ANKRD11: variants seen among roughly 807,000 people sequenced by gnomAD.
ANKRD11 encodes ankyrin repeat domain-containing protein 11.
ANKRD11 carries 17 observed loss-of-function variants against 195.7 expected under a neutral mutation model. The observed-to-expected ratio is 0.09, with a 90% CI of 0.06 to 0.13. ANKRD11 has a LOEUF of 0.13. Among genes scored for constraint, ANKRD11 ranks in the 10% least tolerant of loss-of-function variants. The probability of loss-of-function intolerance (pLI) is 1.00; values close to 1 mark genes in which losing one functional copy is unlikely to be tolerated. For missense variants in ANKRD11, 3,735 were observed against 3,566.1 expected (o/e 1.05, Z -1.21); for synonymous variants, 1,953 against 1,528.1 (o/e 1.28, Z -6.49).
At chr16:89,305,423 G>T (rs1351609653) in intron 3 of ANKRD11, 79 bp from the exon 4 acceptor site, 7 of 1,589,554 alleles carry the variant, frequency 4.4e-6, no homozygotes, top group African/African-American at 1.3e-5. Flanking sequence ...TCATATGCCA[G>T]GAGAAGCGCA....
intron 4 of ANKRD11, among the ~76,000 whole-genome samples, chr16:89,293,276 C>T (rs541460685): frequency 4.5e-4 from 69 of 152,306 alleles, no homozygotes; most frequent in Middle Eastern, 3.4e-3. Flanking sequence ...GCACACAGCA[C>T]AGGAGACTCC....
At chr16:89,422,577 G>A (rs1240102564) in intron 1 of ANKRD11, among the ~76,000 whole-genome samples, 3 of 152,026 alleles carry the variant, frequency 2.0e-5, no homozygotes, top group Non-Finnish European at 2.9e-5. Context: ...TGACCCAATC[G>A]CACCCCACCT....
chr16:89,340,886 A>G (rs2038625015), intron 2 of ANKRD11, among the ~76,000 whole-genome samples: 1 of 152,162 alleles, frequency 6.6e-6, no homozygotes, highest in Admixed American at 6.5e-5. Flanking sequence ...TCCAGACCTG[A>G]AAAACGTTTA....
chr16:89,357,314 A>G (rs1454315635), intron 2 of ANKRD11, among the ~76,000 whole-genome samples: 2 of 152,202 alleles, frequency 1.3e-5, no homozygotes, highest in Non-Finnish European at 2.9e-5. Flanking sequence ...TGTGCTCACC[A>G]CGTGTCCCGG....
At chr16:89,372,809 C>G (rs1042768176) in intron 2 of ANKRD11, 3 of 152,126 alleles carry the variant, frequency 2.0e-5, no homozygotes, top group Admixed American at 1.3e-4. Context: ...AGTCAGAAAG[C>G]CACCCTGTGG....
At chr16:89,330,225 G>C (rs992673641) in intron 2 of ANKRD11, among the ~76,000 whole-genome samples, 1 of 152,112 alleles carries the variant, frequency 6.6e-6, no homozygotes, top group African/African-American at 2.4e-5. Context: ...TGTCCGGTCA[G>C]GGGCAGGACA....
chr16:89,399,319 C>T (rs950774494), intron 2 of ANKRD11, among the ~76,000 whole-genome samples: 3 of 152,266 alleles, frequency 2.0e-5, no homozygotes, highest in Non-Finnish European at 4.4e-5. Context: ...AAACACCCGG[C>T]GTCCATCCAG....
chr16:89,353,845 C>G (rs1489993262), intron 2 of ANKRD11, among the ~76,000 whole-genome samples: 3 of 152,206 alleles, frequency 2.0e-5, no homozygotes, highest in Admixed American at 1.3e-4. Context: ...ACACAACACA[C>G]ATCAGCCCTG....
intron 2 of ANKRD11, among the ~76,000 whole-genome samples, chr16:89,334,973 C>A (rs890718864): frequency 2.0e-5 from 3 of 152,104 alleles, no homozygotes; most frequent in Non-Finnish European, 4.4e-5. Flanking sequence ...AGGGGAGGTC[C>A]AGGAGGAGAT....
intron 5 of ANKRD11, 55 bp downstream of exon 5, chr16:89,290,958 G>A: frequency 2.5e-6 from 4 of 1,610,270 alleles, no homozygotes; most frequent in Non-Finnish European, 3.4e-6. Context: ...CCATGAGGCT[G>A]CGACCAGGCA....
chr16:89,470,467 A>T (rs2057038126), intron 1 of ANKRD11, among the ~76,000 whole-genome samples: 2 of 151,800 alleles, frequency 1.3e-5, no homozygotes, highest in South Asian at 4.1e-4. Flanking sequence ...TGTTTTGTGT[A>T]CAGACTAAAC....
chr16:89,410,398 T>C (rs78200685), intron 2 of ANKRD11, among the ~76,000 whole-genome samples: 3,964 of 152,220 alleles, frequency 0.026, 174 homozygotes, highest in African/African-American at 0.091. Flanking sequence ...GAAATGGAGA[T>C]AATAAACAGA....
chr16:89,488,106 A>T (rs1297430069), intron 1 of ANKRD11, among the ~76,000 whole-genome samples: 1 of 152,184 alleles, frequency 6.6e-6, no homozygotes, highest in African/African-American at 2.4e-5. Context: ...ATTCTGGTAA[A>T]TTGTGTTATG....
At chr16:89,420,821 G>T (rs1209305889) in intron 1 of ANKRD11, among the ~76,000 whole-genome samples, 2 of 152,172 alleles carry the variant, frequency 1.3e-5, no homozygotes, top group African/African-American at 4.8e-5. Context: ...GGCCCAAGGG[G>T]TCCTCCCACC....
At chr16:89,295,703 C>T (rs886157686) in intron 4 of ANKRD11, among the ~76,000 whole-genome samples, 2 of 151,924 alleles carry the variant, frequency 1.3e-5, no homozygotes, top group Non-Finnish European at 2.9e-5. Context: ...AGGCAAACGG[C>T]GGTGGCACCT....
chr16:89,346,766 G>A (rs1429264403), intron 2 of ANKRD11, among the ~76,000 whole-genome samples: 2 of 152,310 alleles, frequency 1.3e-5, no homozygotes, highest in East Asian at 1.9e-4. Flanking sequence ...TATATTTATC[G>A]CTAGAAGACA....
At chr16:89,364,635 C>A (rs2039871008) in intron 2 of ANKRD11, among the ~76,000 whole-genome samples, 1 of 152,192 alleles carries the variant, frequency 6.6e-6, no homozygotes. Flanking sequence ...ATAAAATACA[C>A]CAATGCTAAC....
In ANKRD11 at chr16:89,273,430, G is replaced by A. The variant is rs146814210; in HGVS notation, c.7713+1384C>T. On this transcript the variant is annotated intron_variant, in intron 11 of 12. Coordinates refer to ENST00000301030, the MANE Select transcript of ANKRD11 (RefSeq NM_013275.6). ...TAAAGAAAATCTGTCGGCTGGGTGC[G>A]GTGGCTCACGCCTGTAACTCCCGCA... 9.9e-5 allele frequency among the ~76,000 whole-genome samples: 15 copies of A among 152,246 alleles called. No homozygotes were observed. In the East Asian group the frequency reaches 1.2e-3, roughly 12 times the overall value.
At chr16:89,418,083 C>G (rs1382577807) in intron 2 of ANKRD11, among the ~76,000 whole-genome samples, 1 of 152,128 alleles carries the variant, frequency 6.6e-6, no homozygotes, top group Non-Finnish European at 1.5e-5. Flanking sequence ...ACCAAGGATC[C>G]CATTCATTAA....
Sources: gnomAD v4.1 joint callset for allele counts (sites outside exome capture counted in the v4.1 genomes callset) on GRCh38, gnomAD v4.1.1 for gene constraint, MANE v1.5 for transcripts, NCBI Gene and HGNC (gene_info 2026-07-23, HGNC 2026-07-21) for gene names.